DYNC2H1: variants seen among roughly 807,000 people sequenced by gnomAD.
DYNC2H1 encodes dynein cytoplasmic 2 heavy chain 1.
DYNC2H1 carries 410 observed loss-of-function variants against 570.0 expected under a neutral mutation model. The observed-to-expected ratio is 0.72, with a 90% CI of 0.66 to 0.78. The LOEUF is 0.78. DYNC2H1 is among the 30% of genes least tolerant of loss of function. The probability of loss-of-function intolerance (pLI) is 0.00; values close to 1 mark genes in which losing one functional copy is unlikely to be tolerated. For synonymous variants in DYNC2H1, 1,688 were observed against 1,677.6 expected (o/e 1.01, Z -0.15); for missense variants, 4,865 against 5,046.4 (o/e 0.96, Z 1.09).
At chr11:103,341,991 A>T (rs1158441929) in intron 82 of DYNC2H1, among the ~76,000 whole-genome samples, 1 of 152,170 alleles carries the variant, frequency 6.6e-6, no homozygotes, top group African/African-American at 2.4e-5. Context: ...AAATTAAAAA[A>T]CTAGCTGTGT....
chr11:103,235,570 C>T, intron 61 of DYNC2H1, 102 bp from the exon 62 acceptor site: 1 of 1,104,370 alleles, frequency 9.1e-7, no homozygotes, highest in East Asian at 2.6e-5. Context: ...AAGTTATTAC[C>T]TGTGATTTTC....
chr11:103,241,960 C>T lies in DYNC2H1; in HGVS notation c.9820-1733C>T, dbSNP rs1007582364. Among the ~76,000 whole-genome samples, 2 of 152,028 alleles carry T rather than the reference C, an allele frequency of 1.3e-5. No homozygotes were observed. Among genetic ancestry groups the T allele is most frequent in the Admixed American group, 1.3e-4 (2 of 15,268 alleles). On this transcript the variant is annotated intron_variant, in intron 63 of 88. Transcript: ENST00000375735. The surrounding 1 kb of genome is among the most constrained non-coding windows in gnomAD (Gnocchi z 5.1). ...ACAGCATTGGTGATATAAAACTATTCGTCCACAGGGCAGATAATTCCCACT... is the reference window on the plus strand; with the variant it reads ...ACAGCATTGGTGATATAAAACTATTTGTCCACAGGGCAGATAATTCCCACT...
intron 79 of DYNC2H1, 139 bp downstream of exon 79, chr11:103,312,172 G>A (rs919608018): frequency 1.4e-5 from 11 of 795,064 alleles, no homozygotes; most frequent in South Asian, 6.5e-5. Context: ...CCTGAGGTCC[G>A]GAGTTTGAGA....
rs1860673708 is a variant in DYNC2H1 at position 103,153,579 on chromosome 11, C to G, written c.3302+71C>G. On this transcript the variant is annotated intron_variant, in intron 22 of 88. Coordinates refer to ENST00000375735, the MANE Select transcript of DYNC2H1 (RefSeq NM_001377.3). Reference sequence around the variant, plus strand: ...ATTTATATATCAAGCTAGTAATTTTCTTATGTCTGTTATCTTGATAACTTT... The same window carrying G: ...ATTTATATATCAAGCTAGTAATTTTGTTATGTCTGTTATCTTGATAACTTT... 4 of 1,306,094 alleles carry G rather than the reference C, an allele frequency of 3.1e-6. No homozygotes were observed. The East Asian group carries it at 1.0e-4, about 33-fold the overall frequency. The allele number at this position is 1,306,094 out of a possible 1,614,324, so 80.9% of individuals were successfully genotyped here.
rs528677847 is a variant in DYNC2H1, at chr11:103,113,664, T to A, written c.323T>A (p.Leu108His). 1 of 1,569,962 alleles carries A rather than the reference T, an allele frequency of 6.4e-7. No individual in the cohort carries two copies. The highest frequency in any genetic ancestry group is 1.4e-5 in the African/African-American group (1 of 72,284). The change falls in exon 2 of 89, where the codon CTT becomes CAT. Residue 108 changes from leucine to histidine, a missense_variant. This residue lies in a region of DYNC2H1 where 1,936 missense variants were observed against 1,962.1 expected (regional missense o/e 0.99). Transcript: ENST00000375735. The stretch of plus-strand genomic sequence containing the variant: ...ATGTTAGAGTCACCTATTAGTTCTC[T>A]TTACCAAGCAGTACGGCAAGTATTC... ...SSMLESPISS[L>H]YQAVRQVFAP...
intron 47 of DYNC2H1, among the ~76,000 whole-genome samples, chr11:103,194,648 T>A (rs570733601): frequency 7.2e-5 from 11 of 152,306 alleles, no homozygotes; most frequent in African/African-American, 2.4e-4. Context: ...CATCTTTTTG[T>A]GTAATATTTG....
intron 12 of DYNC2H1, 50 bp from the exon 13 acceptor site, chr11:103,128,860 A>G (rs1434165639): frequency 2.2e-6 from 3 of 1,348,584 alleles, no homozygotes; most frequent in Admixed American, 2.4e-5. Context: ...AAAAATAAAA[A>G]ATTAAAAATG....
chr11:103,126,150 T>C (rs1470985480), intron 12 of DYNC2H1, among the ~76,000 whole-genome samples: 1 of 152,262 alleles, frequency 6.6e-6, no homozygotes. Flanking sequence ...CAAGGATTCA[T>C]TGAATATCTA....
intron 20 of DYNC2H1, 99 bp downstream of exon 20, chr11:103,148,716 C>A (rs1172877743): frequency 9.7e-6 from 13 of 1,342,032 alleles, no homozygotes; most frequent in East Asian, 5.2e-5. Flanking sequence ...TATATAATCT[C>A]AACATTATAA....
intron 84 of DYNC2H1, among the ~76,000 whole-genome samples, chr11:103,435,072 C>G (rs1944014766): frequency 6.6e-6 from 1 of 152,106 alleles, no homozygotes; most frequent in African/African-American, 2.4e-5. Flanking sequence ...TGGCACTTAT[C>G]TATCACATTC....
At position 103,209,828 on chromosome 11, in the gene DYNC2H1, G is replaced by A. The variant is rs2135116088; in HGVS notation, c.8455-48G>A. 7.4e-7 allele frequency: 1 copy of A among 1,342,544 alleles called. No homozygotes were observed. Among genetic ancestry groups the A allele is most frequent in the East Asian group, 3.1e-5 (1 of 32,380 alleles). 83.2% of individuals were successfully genotyped at this position (1,342,544 alleles called of 1,614,324 possible). On this transcript the variant is annotated intron_variant, in intron 52 of 88. Transcript: ENST00000375735. The surrounding 1 kb of genome is among the most constrained non-coding windows in gnomAD (Gnocchi z 4.2). ...TTTGTATTAAAGGTTTTTAACTTATGATATGGGACTTATACTCTTTCATAG... is the reference window on the plus strand; with the variant it reads ...TTTGTATTAAAGGTTTTTAACTTATAATATGGGACTTATACTCTTTCATAG...
chr11:103,209,880 C>T lies in DYNC2H1; in HGVS notation c.8459C>T (p.Pro2820Leu). The T allele has an allele frequency of 6.8e-7, 1 of 1,478,162 alleles. No individual in the cohort carries two copies. 91.6% of individuals were successfully genotyped at this position (1,478,162 alleles called of 1,614,324 possible). A position where few individuals can be genotyped will look rare whatever the true frequency, so the allele number is the denominator to read the frequency against. ...GATATTCTTTTTATGTTTTAGATAC[C>T]TGAAATGTTATTCAGTGAAACAGGT... ...GWSNSSMKKI[P>L]EMLFSETGGG... Residue 2820 changes from proline to leucine, a missense_variant, in exon 53 of 89, where the codon CCT becomes CTT. Around this residue, in one of 5 missense-constraint regions of DYNC2H1, gnomAD observed 2,401 missense variants for 2,454.6 expected, o/e 0.98. Coordinates refer to ENST00000375735, the MANE Select transcript of DYNC2H1 (RefSeq NM_001377.3). This position sits in a 1 kb window ranked among gnomAD's most constrained non-coding sequence, Gnocchi z 4.2.
At chr11:103,419,119 G>C (rs1943389281) in intron 84 of DYNC2H1, among the ~76,000 whole-genome samples, 1 of 150,042 alleles carries the variant, frequency 6.7e-6, no homozygotes, top group Admixed American at 6.6e-5. Flanking sequence ...ACAGCAACAG[G>C]CTGGAGTCTG....
chr11:103,165,885 C>T lies in DYNC2H1; in HGVS notation c.4612-13C>T. ...TTCACCTTTTAAAAATAATTTTTCTCTTTATTCAATAGATTTTATGCTTGG... is the reference window on the plus strand; with the variant it reads ...TTCACCTTTTAAAAATAATTTTTCTTTTTATTCAATAGATTTTATGCTTGG... On this transcript the variant is annotated splice_polypyrimidine_tract_variant and intron_variant, in intron 30 of 88. Coordinates refer to ENST00000375735, the MANE Select transcript of DYNC2H1 (RefSeq NM_001377.3). 6.9e-7 allele frequency: 1 copy of T among 1,439,818 alleles called. No individual in the cohort carries two copies. Among genetic ancestry groups the T allele is most frequent in the African/African-American group, 1.5e-5 (1 of 67,620 alleles). The allele number at this position is 1,439,818 out of a possible 1,614,324, so 89.2% of individuals were successfully genotyped here.
chr11:103,341,334 CT>C (rs1330580457), intron 82 of DYNC2H1, among the ~76,000 whole-genome samples: 1 of 152,188 alleles, frequency 6.6e-6, no homozygotes, highest in Non-Finnish European at 1.5e-5. Flanking sequence ...TCTTCCCCCC[CT>C]TTTAAAATTT....
chr11:103,321,242 G>A lies in DYNC2H1; in HGVS notation c.11934+5G>A. 6.3e-7 allele frequency: 1 copy of A among 1,598,244 alleles called. No homozygotes were observed. The highest frequency in any genetic ancestry group is 1.1e-5 in the South Asian group (1 of 88,854). On this transcript the variant is annotated splice_donor_5th_base_variant and intron_variant, in intron 81 of 88. Transcript: ENST00000375735. The stretch of plus-strand genomic sequence containing the variant: ...CCACAATCCTGCAGCATTTTGGTAG[G>A]TAAAATGAATGATTTTCAATCTATT...
chr11:103,387,348 C>G (rs11225759), intron 83 of DYNC2H1, among the ~76,000 whole-genome samples: 99,624 of 151,832 alleles, frequency 0.66, 32,981 homozygotes, highest in Admixed American at 0.72. Context: ...TGATGGGGTT[C>G]TTTGTTTTTC....
At chr11:103,183,180 T>C (rs1004571877) in intron 40 of DYNC2H1, among the ~76,000 whole-genome samples, 1 of 151,986 alleles carries the variant, frequency 6.6e-6, no homozygotes, top group Admixed American at 6.6e-5. Flanking sequence ...AATGATAGTA[T>C]TGTGCTTAAT....
intron 30 of DYNC2H1, 94 bp from the exon 31 acceptor site, chr11:103,165,804 T>C (rs1176124800): frequency 6.1e-6 from 6 of 975,722 alleles, no homozygotes; most frequent in Non-Finnish European, 7.3e-6. Flanking sequence ...CAATATACAA[T>C]TGGCTATTTG....
Sources: gnomAD v4.1 joint callset for allele counts (sites outside exome capture counted in the v4.1 genomes callset) on GRCh38, gnomAD v4.1.1 for gene constraint, gnomAD v4.1.1 regional missense constraint, Gnocchi (gnomAD v3.1) non-coding constraint, MANE v1.5 for transcripts, NCBI Gene and HGNC (gene_info 2026-07-23, HGNC 2026-07-21) for gene names.